The following VPS13B variants were observed in gnomAD, a reference collection of about 807,000 sequenced individuals.
VPS13B encodes the protein vacuolar protein sorting 13 homolog B.
A neutral mutation model predicts 426.4 loss-of-function variants in VPS13B; 285 were observed. The ratio of observed to expected loss-of-function variants is 0.67; its 90% CI spans 0.61 to 0.74. VPS13B has a LOEUF of 0.74. Ranked by LOEUF, VPS13B falls within the 30% of genes least tolerant of loss-of-function variation. VPS13B has a pLI of 0.00. For synonymous variants in VPS13B, 1,676 were observed against 1,676.4 expected (o/e 1.00, Z 0.01); for missense variants, 4,537 against 4,782.6 (o/e 0.95, Z 1.51).
intron 39 of VPS13B, among the ~76,000 whole-genome samples, chr8:99,763,156 AAAAAAAAAAG>A (rs1811030237): frequency 2.7e-5 from 4 of 150,396 alleles, no homozygotes; most frequent in African/African-American, 9.8e-5. Flanking sequence ...AAAAAAAAAA[AAAAAAAAAAG>A]AAGAGAAAAA....
intron 2 of VPS13B, among the ~76,000 whole-genome samples, chr8:99,023,618 C>CT (rs959569381): frequency 6.6e-6 from 1 of 151,882 alleles, no homozygotes; most frequent in Non-Finnish European, 1.5e-5. Flanking sequence ...GTAGCTGGGA[C>CT]TACAGGTGCA....
At chr8:99,375,912 T>C (rs1277235572) in intron 19 of VPS13B, among the ~76,000 whole-genome samples, 1 of 152,228 alleles carries the variant, frequency 6.6e-6, no homozygotes, top group Admixed American at 6.5e-5. Flanking sequence ...TATAACTTGA[T>C]ATATTATAGG....
intron 55 of VPS13B, among the ~76,000 whole-genome samples, chr8:99,852,580 G>A (rs1816346718): frequency 6.6e-6 from 1 of 152,138 alleles, no homozygotes; most frequent in South Asian, 2.1e-4. Flanking sequence ...TTAGTATGTC[G>A]AATAAGCAAA....
chr8:99,856,502 C>A (rs958318297), intron 56 of VPS13B, among the ~76,000 whole-genome samples: 1 of 152,204 alleles, frequency 6.6e-6, no homozygotes, highest in African/African-American at 2.4e-5. Context: ...ACACCCTGAC[C>A]TCATTTCTAG....
chr8:99,660,166 C>T (rs543707803), intron 34 of VPS13B, among the ~76,000 whole-genome samples: 219 of 152,260 alleles, frequency 1.4e-3, no homozygotes, highest in Non-Finnish European at 2.2e-3. Context: ...ATAGATCTAA[C>T]GTCATGATCA....
intron 33 of VPS13B, among the ~76,000 whole-genome samples, chr8:99,601,169 G>C (rs1183083386): frequency 6.6e-6 from 1 of 151,790 alleles, no homozygotes; most frequent in Non-Finnish European, 1.5e-5. Flanking sequence ...CCCCCAACAG[G>C]CTCCAGTGTG....
At chr8:99,053,934 C>T (rs778056966) in intron 3 of VPS13B, among the ~76,000 whole-genome samples, 1 of 152,192 alleles carries the variant, frequency 6.6e-6, no homozygotes, top group Non-Finnish European at 1.5e-5. Flanking sequence ...AAACTCCTGG[C>T]CTCAGGTGAT....
chr8:99,652,628 C>A (rs16897546), intron 34 of VPS13B, among the ~76,000 whole-genome samples: 20,666 of 151,770 alleles, frequency 0.14, 1,961 homozygotes, highest in East Asian at 0.39. Context: ...GTTGAAAAAT[C>A]ATAAAATGGC....
At position 99,393,244 on chromosome 8, in the gene VPS13B, G is replaced by T. The variant is rs181578697; in HGVS notation, c.3082+1540G>T. The stretch of plus-strand genomic sequence containing the variant: ...GATTTTGAAATGCATCTGTATATGC[G>T]TGGAAAAGTTTATATGTAAACTCAT... On this transcript the variant is annotated intron_variant, in intron 21 of 61. Transcript: ENST00000357162. Among the ~76,000 whole-genome samples the T allele has an allele frequency of 1.1e-3, 166 of 152,080 alleles. 1 individual carries two copies. The highest frequency in any genetic ancestry group is 3.4e-3 in the Middle Eastern group (1 of 294).
At chr8:99,273,847 A>G (rs80223934) in intron 17 of VPS13B, among the ~76,000 whole-genome samples, 2,581 of 152,302 alleles carry the variant, frequency 0.017, 42 homozygotes, top group South Asian at 0.058. Flanking sequence ...ACTTGACTTT[A>G]TAAGTTAAAT....
intron 19 of VPS13B, among the ~76,000 whole-genome samples, chr8:99,303,682 T>G (rs1820490254): frequency 7.9e-6 from 1 of 126,290 alleles, no homozygotes; most frequent in African/African-American, 3.1e-5. Context: ...TGAGCTGAGA[T>G]TGCGCCACTG....
intron 19 of VPS13B, among the ~76,000 whole-genome samples, chr8:99,308,698 A>G (rs954217859): frequency 1.3e-5 from 2 of 152,204 alleles, no homozygotes; most frequent in African/African-American, 4.8e-5. Context: ...TATCCCCAGT[A>G]ATGGGATGGC....
At chr8:99,701,666 C>T (rs1832287379) in intron 36 of VPS13B, among the ~76,000 whole-genome samples, 1 of 152,064 alleles carries the variant, frequency 6.6e-6, no homozygotes. Context: ...ACTAAACATA[C>T]TTTATACAAC....
At chr8:99,408,641 A>G (rs576439422) in intron 21 of VPS13B, among the ~76,000 whole-genome samples, 131 of 152,202 alleles carry the variant, frequency 8.6e-4, no homozygotes, top group Non-Finnish European at 1.6e-3. Flanking sequence ...AGTTGGATAA[A>G]TAGTCTGGAG....
chr8:99,824,480 A>C (rs956404436), intron 51 of VPS13B, among the ~76,000 whole-genome samples: 2 of 152,254 alleles, frequency 1.3e-5, no homozygotes, highest in African/African-American at 4.8e-5. Flanking sequence ...TGATGGCAGA[A>C]TATATGGAAA....
rs1817199094 is a variant in VPS13B at position 99,868,169 on chromosome 8, A to T, written c.11216-120A>T. On this transcript the variant is annotated intron_variant, in intron 58 of 61. Transcript: ENST00000357162. ...ACTGGTAAACAAATGGGTAGTAAAG[A>T]CCTTTATAATGAGGGTGGGGACTCA... is the stretch of plus-strand genomic sequence containing the variant. The T allele has an allele frequency of 4.8e-6, 6 of 1,238,500 alleles. No individual in the cohort carries two copies. In the South Asian group the frequency reaches 7.7e-5, roughly 16 times the overall value. The allele number at this position is 1,238,500 out of a possible 1,614,324, so 76.7% of individuals were successfully genotyped here.
chr8:99,868,784 T>G (rs184545768), intron 59 of VPS13B, among the ~76,000 whole-genome samples: 17 of 152,342 alleles, frequency 1.1e-4, no homozygotes, highest in Admixed American at 8.5e-4. Context: ...GACTTTTTCC[T>G]ATGATAAATG....
Position 99,013,275 on chromosome 8 carries a change from C to G in VPS13B, c.-102C>G, listed in dbSNP as rs1313344782. 4.8e-5 allele frequency: 11 copies of G among 231,144 alleles called. No individual in the cohort carries two copies. The highest frequency in any genetic ancestry group is 3.1e-4 in the Admixed American group (6 of 19,122). The allele number at this position is 231,144 out of a possible 1,614,324, so 14.3% of individuals were successfully genotyped here. ...GGACACACCCGGAAGTGGCGCGGTA[C>G]AGGAGCAGCACTGCCGGCGGGGGCG... On this transcript the variant is annotated 5_prime_UTR_variant, in exon 1 of 62. Coordinates refer to ENST00000357162, the MANE Select transcript of VPS13B (RefSeq NM_152564.5).
intron 8 of VPS13B, among the ~76,000 whole-genome samples, chr8:99,122,353 A>G (rs918153050): frequency 2.0e-5 from 3 of 152,006 alleles, no homozygotes; most frequent in South Asian, 2.1e-4. Flanking sequence ...AAAAATATAT[A>G]TGATATATAC....
Sources: gnomAD v4.1 joint callset for allele counts (sites outside exome capture counted in the v4.1 genomes callset) on GRCh38, gnomAD v4.1.1 for gene constraint, MANE v1.5 for transcripts, NCBI Gene and HGNC (gene_info 2026-07-23, HGNC 2026-07-21) for gene names.